DACH1: variants seen among roughly 807,000 people sequenced by gnomAD.
DACH1 encodes the protein dachshund family transcription factor 1, also known as dachshund homolog 1.
A neutral mutation model predicts 54.2 loss-of-function variants in DACH1; 12 were observed. The ratio of observed to expected loss-of-function variants is 0.22; its 90% CI spans 0.14 to 0.36. DACH1 has a LOEUF of 0.36. Among genes scored for constraint, DACH1 ranks in the 10% least tolerant of loss-of-function variants. The pLI is 1.00. For missense variants in DACH1, 805 were observed against 929.8 expected (o/e 0.87, Z 1.75); for synonymous variants, 386 against 366.2 (o/e 1.05, Z -0.62).
intron 1 of DACH1, among the ~76,000 whole-genome samples, chr13:71,684,640 C>G (rs1168468801): frequency 6.6e-6 from 1 of 152,092 alleles, no homozygotes; most frequent in African/African-American, 2.4e-5. Flanking sequence ...GCATGGGGAA[C>G]CTATAATTCT....
chr13:71,562,115 G>A (rs528904778), intron 4 of DACH1, among the ~76,000 whole-genome samples: 1 of 152,220 alleles, frequency 6.6e-6, no homozygotes, highest in Admixed American at 6.5e-5. Flanking sequence ...TTTTTGTACA[G>A]AGCTAATATG....
chr13:71,718,025 T>C (rs1447617334), intron 1 of DACH1, among the ~76,000 whole-genome samples: 1 of 152,030 alleles, frequency 6.6e-6, no homozygotes, highest in African/African-American at 2.4e-5. Flanking sequence ...CGTGTCCCAG[T>C]GTTTAAAAAG....
chr13:71,669,666 A>C (rs747582392), intron 2 of DACH1, among the ~76,000 whole-genome samples: 1 of 152,324 alleles, frequency 6.6e-6, no homozygotes, highest in East Asian at 1.9e-4. Flanking sequence ...GTTCTTCACA[A>C]AGTCCTATTG....
chr13:71,757,723 A>T (rs1284523635), intron 1 of DACH1, among the ~76,000 whole-genome samples: 1 of 151,970 alleles, frequency 6.6e-6, no homozygotes, highest in Non-Finnish European at 1.5e-5. Flanking sequence ...GGGCTTCACC[A>T]TGTTGGCCAG....
chr13:71,698,141 G>A lies in DACH1; in HGVS notation c.849-16231C>T, dbSNP rs187043563. On this transcript the variant is annotated intron_variant, in intron 1 of 10. Coordinates refer to ENST00000613252, the MANE Select transcript of DACH1 (RefSeq NM_080759.6). ...CGGGAGGTGCAAGTTACAGTGAGCC[G>A]CGCCACTGCACTCCAGCCTGGGTGA... 4.6e-5 allele frequency among the ~76,000 whole-genome samples: 7 copies of A among 152,130 alleles called. No individual in the cohort carries two copies. The East Asian group carries it at 5.8e-4, about 13-fold the overall frequency.
chr13:71,842,299 GGGCGTGGT>G (rs1396972017), intron 1 of DACH1, among the ~76,000 whole-genome samples: 16 of 152,066 alleles, frequency 1.1e-4, no homozygotes, highest in African/African-American at 3.9e-4. Flanking sequence ...TTTTATGGTC[GGGCGTGGT>G]GGCTCACACC....
intron 1 of DACH1, among the ~76,000 whole-genome samples, chr13:71,722,240 A>C (rs986584114): frequency 2.6e-5 from 4 of 152,174 alleles, no homozygotes; most frequent in African/African-American, 9.7e-5. Flanking sequence ...TTTTCTTACT[A>C]ACTCCCTCCA....
chr13:71,864,119 ACCCCCACCAC>A (rs1874535216), intron 1 of DACH1, among the ~76,000 whole-genome samples: 1 of 138,536 alleles, frequency 7.2e-6, no homozygotes, highest in South Asian at 2.4e-4. Flanking sequence ...TGCTTCCGCG[ACCCCCACCAC>A]CCCCCATCTT....
At chr13:71,797,827 A>G (rs1887119252) in intron 1 of DACH1, among the ~76,000 whole-genome samples, 1 of 152,126 alleles carries the variant, frequency 6.6e-6, no homozygotes, top group Non-Finnish European at 1.5e-5. Context: ...CAATTTGTCC[A>G]TCCAAAATTG....
At chr13:71,557,937 G>C (rs563798211) in intron 5 of DACH1, among the ~76,000 whole-genome samples, 2 of 150,504 alleles carry the variant, frequency 1.3e-5, no homozygotes, top group African/African-American at 4.9e-5. Flanking sequence ...ACTAATTGTA[G>C]TGTGTGATCA....
chr13:71,557,306 T>A, intron 5 of DACH1, 148 bp from the exon 6 acceptor site: 1 of 535,702 alleles, frequency 1.9e-6, no homozygotes, highest in Non-Finnish European at 2.9e-6. Context: ...AATCTATCCC[T>A]AAAAACACTG....
chr13:71,695,619 A>G (rs984678257), intron 1 of DACH1, among the ~76,000 whole-genome samples: 7 of 152,244 alleles, frequency 4.6e-5, no homozygotes, highest in Admixed American at 4.6e-4. Flanking sequence ...GGAGTTCACC[A>G]GAAATGATGA....
intron 6 of DACH1, among the ~76,000 whole-genome samples, chr13:71,545,956 G>A (rs1430752921): frequency 6.6e-6 from 1 of 152,024 alleles, no homozygotes; most frequent in African/African-American, 2.4e-5. Context: ...CTTAGAAGAA[G>A]AGCACAGAAT....
intron 1 of DACH1, among the ~76,000 whole-genome samples, chr13:71,822,475 T>C (rs1234751888): frequency 6.6e-6 from 1 of 152,236 alleles, no homozygotes; most frequent in African/African-American, 2.4e-5. Context: ...CATTCTTGTG[T>C]ATCTCGTGTA....
chr13:71,857,788 A>T (rs1874101222), intron 1 of DACH1, among the ~76,000 whole-genome samples: 1 of 151,770 alleles, frequency 6.6e-6, no homozygotes, highest in South Asian at 2.1e-4. Context: ...AATCAAATTA[A>T]ATAAAAATCC....
At chr13:71,489,800 T>TA (rs1878838913) in intron 6 of DACH1, among the ~76,000 whole-genome samples, 1 of 152,036 alleles carries the variant, frequency 6.6e-6, no homozygotes, top group African/African-American at 2.4e-5. Context: ...CTTCCATACA[T>TA]AAAAAACGGT....
chr13:71,801,504 T>C (rs1887286640), intron 1 of DACH1, among the ~76,000 whole-genome samples: 1 of 152,116 alleles, frequency 6.6e-6, no homozygotes, highest in Admixed American at 6.6e-5. Flanking sequence ...AAACTAAAAG[T>C]AATTTTAGAA....
In DACH1 at chr13:71,866,857, A is replaced by G; in HGVS notation, c.-88T>C. The G allele has an allele frequency of 1.0e-6, 1 of 980,824 alleles. No homozygotes were observed. Among genetic ancestry groups the G allele is most frequent in the Non-Finnish European group, 1.3e-6 (1 of 788,652 alleles). The allele number at this position is 980,824 out of a possible 1,614,324, so 60.8% of individuals were successfully genotyped here. A position where few individuals can be genotyped will look rare whatever the true frequency, so the allele number is the denominator to read the frequency against. On this transcript the variant is annotated 5_prime_UTR_variant, in exon 1 of 11. Coordinates refer to ENST00000613252, the MANE Select transcript of DACH1 (RefSeq NM_080759.6). ...GGAGGGGAAGGGGAAAAAAGGGGGG[A>G]GAAGGAGCGAGGGGGGCAACAACAA... is the stretch of plus-strand genomic sequence containing the variant.
chr13:71,861,664 C>T (rs1158917518), intron 1 of DACH1, among the ~76,000 whole-genome samples: 2 of 151,878 alleles, frequency 1.3e-5, no homozygotes, highest in East Asian at 3.9e-4. Context: ...AGACATTAGG[C>T]GTTATTGGAA....
Sources: allele counts gnomAD v4.1 joint callset (sites outside exome capture counted in the v4.1 genomes callset), GRCh38; gene constraint gnomAD v4.1.1; transcripts MANE v1.5; gene names NCBI Gene and HGNC (gene_info 2026-07-23, HGNC 2026-07-21).